Variants in MAP7D2 observed in about 807,000 individuals in gnomAD.
The protein encoded by MAP7D2 is MAP7 domain-containing protein 2.
In MAP7D2, 33 loss-of-function variants were observed where a neutral mutation model predicts 63.5. The ratio of observed to expected loss-of-function variants is 0.52; its 90% CI spans 0.39 to 0.70. MAP7D2 has a LOEUF of 0.70. MAP7D2 is among the 30% of genes least tolerant of loss of function. MAP7D2 has a pLI of 0.00. For synonymous variants in MAP7D2, 224 were observed against 223.7 expected (o/e 1.00, Z -0.01); for missense variants, 626 against 604.0 (o/e 1.04, Z -0.38).
chrX:20,036,735 C>T (rs1396617514), intron 8 of MAP7D2, among the ~76,000 whole-genome samples: 2 of 104,208 alleles, frequency 1.9e-5, no homozygotes, highest in African/African-American at 6.9e-5. Context: ...GAAACCCCAT[C>T]TCTACGAAAC....
chrX:20,037,813 T>C (rs2064539027), intron 8 of MAP7D2, among the ~76,000 whole-genome samples: 1 of 111,857 alleles, frequency 8.9e-6, no homozygotes, highest in Non-Finnish European at 1.9e-5. Flanking sequence ...AGGACATTTG[T>C]ATCCCATGTG....
intron 10 of MAP7D2, among the ~76,000 whole-genome samples, chrX:20,018,593 C>T (rs1294184829): frequency 2.8e-5 from 3 of 108,990 alleles, no homozygotes; most frequent in Non-Finnish European, 5.7e-5. Flanking sequence ...CAGGCATGCG[C>T]CGCTATGCCC....
chrX:20,080,445 G>A (rs772243954), intron 1 of MAP7D2, among the ~76,000 whole-genome samples: 1 of 110,960 alleles, frequency 9.0e-6, no homozygotes. Context: ...AGATAAGGCA[G>A]TAAACATGGA....
intron 1 of MAP7D2, among the ~76,000 whole-genome samples, chrX:20,113,115 C>CTAT (rs1402684351): frequency 9.0e-6 from 1 of 111,555 alleles, no homozygotes; most frequent in African/African-American, 3.3e-5. Flanking sequence ...AGTCTAAGTC[C>CTAT]TATGCTGCCA....
At chrX:20,063,379 G>A (rs745896495) in intron 3 of MAP7D2, 35 bp downstream of exon 3, 3 of 1,197,486 alleles carry the variant, frequency 2.5e-6, no homozygotes, top group South Asian at 3.7e-5. Context: ...TGCTGAGGGG[G>A]CTGGAAGGTG....
chrX:20,116,110 T>C (rs999645744), intron 1 of MAP7D2, among the ~76,000 whole-genome samples: 10 of 112,966 alleles, frequency 8.9e-5, no homozygotes, highest in Non-Finnish European at 1.5e-4. Context: ...GCTGAGAGCC[T>C]TGTTTGCCCC....
At chrX:20,015,529 T>G (rs922464314) in intron 11 of MAP7D2, among the ~76,000 whole-genome samples, 2 of 112,576 alleles carry the variant, frequency 1.8e-5, no homozygotes. Flanking sequence ...TGGCTCACCA[T>G]GCAAATCACC....
In MAP7D2 at chrX:20,116,852, T is replaced by A. The variant is rs754352521; in HGVS notation, c.28A>T (p.Thr10Ser). Residue 10 changes from threonine (T) to serine (S), a missense_variant, in exon 1 of 17, where the codon ACG (threonine) becomes TCG (serine). Transcript: ENST00000379643. Reference protein sequence around the residue: MERGGGGSGTGSRPEGTARG... With the variant: MERGGGGSGSGSRPEGTARG... ...GCAGTCCCCTCAGGCCGGGATCCCG[T>A]CCCGGAGCCGCCGCCGCCGCGCTCC... is the stretch of plus-strand genomic sequence containing the variant. 2 of 1,153,559 alleles carry A rather than the reference T, an allele frequency of 1.7e-6. No homozygotes were observed. The highest frequency in any genetic ancestry group is 4.0e-5 in the South Asian group (2 of 49,865).
intron 1 of MAP7D2, among the ~76,000 whole-genome samples, chrX:20,110,442 C>T (rs1426989871): frequency 1.8e-5 from 2 of 109,081 alleles, no homozygotes; most frequent in Non-Finnish European, 3.8e-5. Context: ...GAGCAGAGAT[C>T]GCACCACTGC....
intron 1 of MAP7D2, among the ~76,000 whole-genome samples, chrX:20,067,870 T>C (rs2065400937): frequency 8.9e-6 from 1 of 112,322 alleles, no homozygotes; most frequent in African/African-American, 3.2e-5. Context: ...AAGTAAGCAG[T>C]ACTGTGAGCC....
intron 8 of MAP7D2, among the ~76,000 whole-genome samples, chrX:20,033,910 C>T (rs747131869): frequency 9.0e-6 from 1 of 111,565 alleles, no homozygotes; most frequent in Admixed American, 9.6e-5. Flanking sequence ...AGAATATTTA[C>T]AAAACTTGTA....
intron 2 of MAP7D2, among the ~76,000 whole-genome samples, chrX:20,064,040 A>T (rs981351966): frequency 1.0e-5 from 1 of 98,768 alleles, no homozygotes; most frequent in African/African-American, 5.4e-5. Context: ...GAGCTAAGTC[A>T]GGGGGTAAAA....
chrX:20,056,816 G>A (rs757945178), intron 3 of MAP7D2, 25 bp from the exon 4 acceptor site: 1 of 1,179,686 alleles, frequency 8.5e-7, no homozygotes, highest in Non-Finnish European at 1.2e-6. Context: ...TAAGGCAAGT[G>A]TTAACAAGAT....
chrX:20,107,022 G>A (rs949539061), intron 1 of MAP7D2, among the ~76,000 whole-genome samples: 26 of 110,490 alleles, frequency 2.4e-4, no homozygotes, highest in Non-Finnish European at 4.7e-4. Flanking sequence ...CAGAGCTGAT[G>A]AACTTTGGAG....
chrX:20,009,023 G>A (rs937745330), intron 16 of MAP7D2, among the ~76,000 whole-genome samples: 27 of 111,447 alleles, frequency 2.4e-4, no homozygotes, highest in African/African-American at 8.5e-4. Flanking sequence ...ATTAAGCCAC[G>A]TAACTGTCAG....
intron 2 of MAP7D2, 35 bp downstream of exon 2, chrX:20,064,693 C>T (rs752722124): frequency 9.5e-6 from 11 of 1,152,494 alleles, no homozygotes; most frequent in Non-Finnish European, 1.2e-5. Context: ...TATCTCCACT[C>T]CCTTGGACCA....
At chrX:20,100,441 G>C (rs1357297446) in intron 1 of MAP7D2, among the ~76,000 whole-genome samples, 1 of 111,982 alleles carries the variant, frequency 8.9e-6, no homozygotes, top group African/African-American at 3.2e-5. Flanking sequence ...CGATGTTCTA[G>C]CTCCCAGAAC....
intron 1 of MAP7D2, among the ~76,000 whole-genome samples, chrX:20,100,594 T>G: frequency 1.1e-5 from 1 of 94,660 alleles, no homozygotes; most frequent in Non-Finnish European, 2.1e-5. Context: ...AGAGAAGAGA[T>G]GTAACAGTGG....
intron 10 of MAP7D2, among the ~76,000 whole-genome samples, chrX:20,022,964 G>A (rs1293148313): frequency 9.0e-6 from 1 of 111,510 alleles, no homozygotes; most frequent in African/African-American, 3.3e-5. Context: ...GTGTGGCTGG[G>A]GAAATGAATT....
Sources: allele counts gnomAD v4.1 joint callset (sites outside exome capture counted in the v4.1 genomes callset), GRCh38; gene constraint gnomAD v4.1.1; transcripts MANE v1.5; gene names NCBI Gene and HGNC (gene_info 2026-07-23, HGNC 2026-07-21).